ATP6V0A4: variants seen among roughly 807,000 people sequenced by gnomAD.
ATP6V0A4 encodes the protein V-type proton ATPase 116 kDa subunit a 4.
ATP6V0A4 carries 86 observed loss-of-function variants against 107.3 expected under a neutral mutation model. That is an observed-to-expected ratio of 0.80 (90% CI 0.67 to 0.96). The LOEUF (loss-of-function observed/expected upper bound fraction) is 0.96, where lower values mean the gene tolerates loss of function less well. Ranked by LOEUF, ATP6V0A4 falls within the 40% of genes least tolerant of loss-of-function variation. ATP6V0A4 has a pLI of 0.00. For missense variants in ATP6V0A4, 908 were observed against 1,045.6 expected (o/e 0.87, Z 1.81); for synonymous variants, 353 against 381.4 (o/e 0.93, Z 0.87).
At chr7:138,772,009 A>G (rs1807418173) in intron 2 of ATP6V0A4, among the ~76,000 whole-genome samples, 1 of 152,220 alleles carries the variant, frequency 6.6e-6, no homozygotes, top group Non-Finnish European at 1.5e-5. Context: ...GTCACTCTAG[A>G]ACTCAGTTGT....
intron 2 of ATP6V0A4, among the ~76,000 whole-genome samples, chr7:138,784,909 T>C (rs1462426849): frequency 2.0e-5 from 3 of 152,092 alleles, no homozygotes; most frequent in Non-Finnish European, 2.9e-5. Context: ...CTCTTGAGGG[T>C]GAAGAGATGA....
At chr7:138,716,450 A>G (rs1218115062) in intron 19 of ATP6V0A4, among the ~76,000 whole-genome samples, 2 of 59,986 alleles carry the variant, frequency 3.3e-5, no homozygotes, top group East Asian at 7.5e-4. Flanking sequence ...GCCTTAAAGA[A>G]AAAAAAAAAA....
In ATP6V0A4 at chr7:138,708,017, TTTTATTTATTTA is replaced by T. The variant is rs377141085; in HGVS notation, c.2430-1312_2430-1301del. ...ACCATGTCGGATGATTTATGTTTTA[TTTTATTTATTTA>T]TTTATTTATTTATTTATTTATTTAT... On this transcript the variant is annotated intron_variant, in intron 21 of 21. Transcript: ENST00000310018. 6.0e-3 allele frequency among the ~76,000 whole-genome samples: 840 copies of T among 139,998 alleles called. 4 individuals are homozygous for T. The highest frequency in any genetic ancestry group is 5.1e-3 in the African/African-American group (189 of 37,090). 91.8% of individuals were successfully genotyped at this position (139,998 alleles called of 152,430 possible). A position where few individuals can be genotyped will look rare whatever the true frequency, so the allele number is the denominator to read the frequency against.
At position 138,707,363 on chromosome 7, in the gene ATP6V0A4, T is replaced by TTA. The variant is rs1180068051; in HGVS notation, c.2430-648_2430-647dup. Among the ~76,000 whole-genome samples the TTA allele has an allele frequency of 7.5e-3, 749 of 100,080 alleles. 6 individuals are homozygous for TTA. Among genetic ancestry groups the TTA allele is most frequent in the Non-Finnish European group, 0.011 (596 of 54,706 alleles). 65.7% of individuals were successfully genotyped at this position (100,080 alleles called of 152,430 possible). A position where few individuals can be genotyped will look rare whatever the true frequency, so the allele number is the denominator to read the frequency against. On this transcript the variant is annotated intron_variant, in intron 21 of 21. Transcript: ENST00000310018. ...TATATATATTATAATATATATTATA[T>TTA]TATATATATATTTATATATATATAA...
chr7:138,717,678 C>T (rs1804115751), intron 19 of ATP6V0A4, among the ~76,000 whole-genome samples: 1 of 152,126 alleles, frequency 6.6e-6, no homozygotes, highest in Non-Finnish European at 1.5e-5. Context: ...GAGGCCAAGG[C>T]AGGTGGGTGA....
chr7:138,759,667 T>TC (rs749392590), intron 8 of ATP6V0A4, 85 bp downstream of exon 8: 22 of 1,411,130 alleles, frequency 1.6e-5, no homozygotes, highest in Non-Finnish European at 2.2e-5. Flanking sequence ...AAACTAAAGA[T>TC]CCCCCATGTT....
intron 20 of ATP6V0A4, among the ~76,000 whole-genome samples, chr7:138,714,075 CAAAAAAA>C (rs35801199): frequency 3.0e-3 from 335 of 112,302 alleles, no homozygotes; most frequent in Admixed American, 6.2e-3. Flanking sequence ...CTACCTCTAC[CAAAAAAA>C]AAAAAAAAAA....
At chr7:138,719,622 G>A (rs765097319) in intron 19 of ATP6V0A4, among the ~76,000 whole-genome samples, 1 of 152,152 alleles carries the variant, frequency 6.6e-6, no homozygotes, top group Admixed American at 6.6e-5. Context: ...CATCAATGTG[G>A]GGACAGTAAT....
At chr7:138,722,058 C>T (rs200157698) in intron 18 of ATP6V0A4, 33 bp from the exon 19 acceptor site, 30 of 1,613,646 alleles carry the variant, frequency 1.9e-5, no homozygotes, top group Non-Finnish European at 2.5e-5. Flanking sequence ...GGAATGCGCT[C>T]AACTCACCCT....
rs147622188 is a variant in ATP6V0A4, at chr7:138,715,005, T to C, written c.2257+759A>G. Among the ~76,000 whole-genome samples the C allele has an allele frequency of 9.9e-4, 151 of 152,072 alleles. 1 individual carries two copies. The highest frequency in any genetic ancestry group is 3.4e-3 in the African/African-American group (142 of 41,474). ...GAGTCACAGTCAGAGAAAAAGGAGA[T>C]TTGATGCTGGAAGCAGAGGTTGAAG... On this transcript the variant is annotated intron_variant, in intron 20 of 21. Coordinates refer to ENST00000310018, the MANE Select transcript of ATP6V0A4 (RefSeq NM_020632.3).
chr7:138,723,055 C>CCAAAAAAAAAA, intron 18 of ATP6V0A4, among the ~76,000 whole-genome samples: 1 of 122,416 alleles, frequency 8.2e-6, no homozygotes, highest in Non-Finnish European at 1.7e-5. Context: ...GAGACTGTCT[C>CCAAAAAAAAAA]AAAAAAAAAA....
chr7:138,774,653 T>C (rs1329680207), intron 2 of ATP6V0A4, among the ~76,000 whole-genome samples: 1 of 146,890 alleles, frequency 6.8e-6, no homozygotes, highest in Non-Finnish European at 1.5e-5. Context: ...ATATACATTA[T>C]ATATTATATA....
At chr7:138,734,020 C>A in intron 16 of ATP6V0A4, 116 bp downstream of exon 16, 1 of 1,200,008 alleles carries the variant, frequency 8.3e-7, no homozygotes, top group Non-Finnish European at 1.2e-6. Context: ...AGGGAAGTAC[C>A]CCTCATAGGA....
intron 12 of ATP6V0A4, 94 bp from the exon 13 acceptor site, chr7:138,747,658 G>T: frequency 6.4e-7 from 1 of 1,553,810 alleles, no homozygotes; most frequent in Non-Finnish European, 8.7e-7. Flanking sequence ...TTTGCATGCG[G>T]GTTTCCTTAA....
intron 10 of ATP6V0A4, 114 bp downstream of exon 10, chr7:138,755,574 CA>C: frequency 7.1e-7 from 1 of 1,406,294 alleles, no homozygotes; most frequent in South Asian, 1.2e-5. Context: ...AAGGCATAGC[CA>C]GCATTCCAGC....
intron 1 of ATP6V0A4, among the ~76,000 whole-genome samples, chr7:138,788,827 C>G (rs1166232240): frequency 6.6e-6 from 1 of 152,190 alleles, no homozygotes; most frequent in Non-Finnish European, 1.5e-5. Context: ...TGCCTGCCAC[C>G]ATGTAAGATG....
At chr7:138,736,654 C>T (rs1057216713) in intron 15 of ATP6V0A4, among the ~76,000 whole-genome samples, 8 of 152,070 alleles carry the variant, frequency 5.3e-5, no homozygotes, top group African/African-American at 1.9e-4. Flanking sequence ...TCACTACAAC[C>T]TCTGCCTCCC....
At chr7:138,714,234 T>A (rs1349734497) in intron 20 of ATP6V0A4, among the ~76,000 whole-genome samples, 6 of 90,618 alleles carry the variant, frequency 6.6e-5, no homozygotes, top group Non-Finnish European at 1.3e-4. Flanking sequence ...AGACCCTGTC[T>A]TAGGAAAAAA....
chr7:138,724,941 T>C (rs10281207), intron 18 of ATP6V0A4, among the ~76,000 whole-genome samples: 117,788 of 152,104 alleles, frequency 0.77, 45,886 homozygotes, highest in African/African-American at 0.86. Context: ...ATAAAACATA[T>C]AGCAATCATT....
Sources: allele counts gnomAD v4.1 joint callset (sites outside exome capture counted in the v4.1 genomes callset), GRCh38; gene constraint gnomAD v4.1.1; transcripts MANE v1.5; gene names NCBI Gene and HGNC (gene_info 2026-07-23, HGNC 2026-07-21).